The following CPQ variants were observed in gnomAD, a reference collection of about 807,000 sequenced individuals.
CPQ encodes Ser-Met dipeptidase.
CPQ carries 37 observed loss-of-function variants against 45.7 expected under a neutral mutation model. The ratio of observed to expected loss-of-function variants is 0.81; its 90% CI spans 0.62 to 1.07. The LOEUF (loss-of-function observed/expected upper bound fraction) is 1.07, where lower values mean the gene tolerates loss of function less well. CPQ is among the 50% of genes least tolerant of loss of function. CPQ has a pLI of 0.00. For synonymous variants in CPQ, 186 were observed against 205.8 expected (o/e 0.90, Z 0.82); for missense variants, 537 against 572.9 (o/e 0.94, Z 0.64).
chr8:97,099,115 C>CTTTTTTTTTTTTTTT (rs34830752), intron 7 of CPQ, among the ~76,000 whole-genome samples: 3 of 66,316 alleles, frequency 4.5e-5, no homozygotes, highest in Admixed American at 2.7e-4. Context: ...CCTTCTCTCT[C>CTTTTTTTTTTTTTTT]TTTTTTTTTT....
chr8:96,947,321 AG>A (rs1813204163), intron 4 of CPQ, among the ~76,000 whole-genome samples: 1 of 152,208 alleles, frequency 6.6e-6, no homozygotes, highest in Non-Finnish European at 1.5e-5. Context: ...TATATCATCT[AG>A]GTTTGTTATG....
intron 1 of CPQ, among the ~76,000 whole-genome samples, chr8:96,699,396 A>T (rs1184870618): frequency 2.6e-5 from 4 of 152,162 alleles, no homozygotes; most frequent in Non-Finnish European, 5.9e-5. Context: ...ATGTTTAGAA[A>T]GCATGAATAA....
chr8:97,077,360 T>C (rs1170455899), intron 7 of CPQ, among the ~76,000 whole-genome samples: 1 of 152,208 alleles, frequency 6.6e-6, no homozygotes, highest in African/African-American at 2.4e-5. Flanking sequence ...ATAGAGGTGA[T>C]TAGCATCCGC....
intron 7 of CPQ, among the ~76,000 whole-genome samples, chr8:97,116,029 A>G (rs1322390276): frequency 1.3e-5 from 2 of 152,190 alleles, no homozygotes; most frequent in Non-Finnish European, 2.9e-5. Context: ...ACAGGCTATA[A>G]ATTGAAAAGG....
chr8:97,129,961 A>T (rs892704357), intron 7 of CPQ, among the ~76,000 whole-genome samples: 1 of 152,200 alleles, frequency 6.6e-6, no homozygotes, highest in Non-Finnish European at 1.5e-5. Context: ...GTCCTGCTGC[A>T]CTAGTCGCTG....
chr8:97,019,911 T>A (rs915592607), intron 5 of CPQ, among the ~76,000 whole-genome samples: 1 of 151,858 alleles, frequency 6.6e-6, no homozygotes, highest in African/African-American at 2.4e-5. Flanking sequence ...ACCCAAGAAC[T>A]GCAGAATATA....
At chr8:96,857,453 A>G (rs1015040071) in intron 3 of CPQ, among the ~76,000 whole-genome samples, 1 of 152,210 alleles carries the variant, frequency 6.6e-6, no homozygotes, top group Non-Finnish European at 1.5e-5. Flanking sequence ...GCCCTTAAGC[A>G]GTCTTATCCT....
chr8:96,951,142 G>T (rs376463362), intron 4 of CPQ, among the ~76,000 whole-genome samples: 1 of 151,910 alleles, frequency 6.6e-6, no homozygotes, highest in East Asian at 1.9e-4. Flanking sequence ...ACTAAAATTT[G>T]TCTGTAATGG....
intron 2 of CPQ, among the ~76,000 whole-genome samples, chr8:96,820,842 C>T (rs1314569171): frequency 6.6e-6 from 1 of 151,984 alleles, no homozygotes; most frequent in Non-Finnish European, 1.5e-5. Flanking sequence ...AGTAGAATTA[C>T]TGGATCATAT....
intron 2 of CPQ, among the ~76,000 whole-genome samples, chr8:96,821,911 G>C (rs1213044715): frequency 1.3e-5 from 2 of 151,808 alleles, no homozygotes; most frequent in Admixed American, 1.3e-4. Context: ...ACATTTTTTT[G>C]TGGTGATAAC....
intron 1 of CPQ, among the ~76,000 whole-genome samples, chr8:96,710,723 T>A (rs1809596260): frequency 6.6e-6 from 1 of 152,208 alleles, no homozygotes; most frequent in Admixed American, 6.5e-5. Flanking sequence ...TTGATTTGAT[T>A]TCAGTTTTAA....
intron 5 of CPQ, among the ~76,000 whole-genome samples, chr8:96,989,744 C>T (rs1408490396): frequency 6.6e-6 from 1 of 152,084 alleles, no homozygotes; most frequent in Non-Finnish European, 1.5e-5. Context: ...CCCCCTGAAC[C>T]TTTAGCCAGA....
At chr8:96,890,388 C>A (rs1056545536) in intron 4 of CPQ, among the ~76,000 whole-genome samples, 2 of 152,198 alleles carry the variant, frequency 1.3e-5, no homozygotes, top group Non-Finnish European at 2.9e-5. Flanking sequence ...CCTTTGCCTT[C>A]AGCAAGCACC....
At chr8:96,955,469 A>G (rs968850821) in intron 4 of CPQ, among the ~76,000 whole-genome samples, 2 of 152,170 alleles carry the variant, frequency 1.3e-5, no homozygotes, top group Non-Finnish European at 2.9e-5. Flanking sequence ...TACAGATTCA[A>G]TGCCATCCCC....
At chr8:97,045,130 T>C (rs887914010) in intron 6 of CPQ, among the ~76,000 whole-genome samples, 4 of 152,248 alleles carry the variant, frequency 2.6e-5, no homozygotes, top group Non-Finnish European at 5.9e-5. Flanking sequence ...TGAGCTGTGG[T>C]GGGCTCCACC....
Position 96,910,064 on chromosome 8 carries a change from TCTTTATC to T in CPQ, c.849+30061_849+30067del, listed in dbSNP as rs573204041. On this transcript the variant is annotated intron_variant, in intron 4 of 7. Coordinates refer to ENST00000220763, the MANE Select transcript of CPQ (RefSeq NM_016134.4). ...TTCACTGAGTTTTTAGTGTCAGTTCTCTTTATCCATGACAGGAGACATGATGCTTCTT... is the reference window on the plus strand; with the variant it reads ...TTCACTGAGTTTTTAGTGTCAGTTCTCATGACAGGAGACATGATGCTTCTT... Among the ~76,000 whole-genome samples, 346 of 152,290 alleles carry T rather than the reference TCTTTATC, an allele frequency of 2.3e-3. 1 individual carries two copies. Among genetic ancestry groups the T allele is most frequent in the African/African-American group, 7.8e-3 (326 of 41,572 alleles).
intron 4 of CPQ, among the ~76,000 whole-genome samples, chr8:96,903,311 A>G (rs1215578319): frequency 6.6e-6 from 1 of 152,228 alleles, no homozygotes; most frequent in Non-Finnish European, 1.5e-5. Flanking sequence ...TAGTAGGCAT[A>G]GTTCTTAACA....
intron 1 of CPQ, among the ~76,000 whole-genome samples, chr8:96,737,355 G>GAGATATATATATATAT (rs1554561433): frequency 1.0e-4 from 12 of 118,006 alleles, no homozygotes; most frequent in Middle Eastern, 4.7e-3. Flanking sequence ...ACTAATAGGA[G>GAGATATATATATATAT]ATATATATAT....
chr8:96,832,863 C>T (rs774107186), intron 2 of CPQ, among the ~76,000 whole-genome samples: 2 of 152,064 alleles, frequency 1.3e-5, no homozygotes, highest in Non-Finnish European at 2.9e-5. Context: ...CTGCCTGGGG[C>T]AGATCTGACT....
Sources: allele counts gnomAD v4.1 joint callset (sites outside exome capture counted in the v4.1 genomes callset), GRCh38; gene constraint gnomAD v4.1.1; transcripts MANE v1.5; gene names NCBI Gene and HGNC (gene_info 2026-07-23, HGNC 2026-07-21).